The following TRPM1 variants were observed in gnomAD, a reference collection of about 807,000 sequenced individuals.
TRPM1 encodes transient receptor potential cation channel subfamily M member 1, also known as TRPM1-203 APA Isoform, Intron 10.
A neutral mutation model predicts 149.4 loss-of-function variants in TRPM1; 113 were observed. The ratio of observed to expected loss-of-function variants is 0.76; its 90% CI spans 0.65 to 0.88. The LOEUF is 0.88. TRPM1 is among the 40% of genes least tolerant of loss of function. TRPM1 has a pLI of 0.00. For missense variants in TRPM1, 1,976 were observed against 2,038.7 expected (o/e 0.97, Z 0.59); for synonymous variants, 741 against 759.5 (o/e 0.98, Z 0.40).
At chr15:31,042,344 A>T (rs1183559923) in intron 16 of TRPM1, 101 bp from the exon 17 acceptor site, 1 of 1,241,864 alleles carries the variant, frequency 8.1e-7, no homozygotes, top group African/African-American at 1.5e-5. Context: ...CAGAGGTAAT[A>T]AAGAGACTTC....
At chr15:31,066,325 A>T in intron 6 of TRPM1, 78 bp from the exon 7 acceptor site, 1 of 1,504,016 alleles carries the variant, frequency 6.6e-7, no homozygotes, top group Non-Finnish European at 9.2e-7. Flanking sequence ...CACAATACAT[A>T]TGTGTGGAGT....
rs113969936 is a variant in TRPM1 at position 31,012,371 on chromosome 15, A to C, written c.3630-9301T>G. Among the ~76,000 whole-genome samples, 6 of 152,306 alleles carry C rather than the reference A, an allele frequency of 3.9e-5. 1 individual carries two copies. The highest frequency in any genetic ancestry group is 1.4e-4 in the African/African-American group (6 of 41,558). ...AATTTATCCTTCATTTTTAAAGGAT[A>C]GTTTTGCTGCATATATAATTTTTAG... On this transcript the variant is annotated intron_variant, in intron 27 of 27. Coordinates refer to ENST00000256552, the MANE Select transcript of TRPM1 (RefSeq NM_001252024.2).
At chr15:31,022,768 A>G (rs1401159783) in intron 27 of TRPM1, among the ~76,000 whole-genome samples, 1 of 152,076 alleles carries the variant, frequency 6.6e-6, no homozygotes, top group East Asian at 1.9e-4. Context: ...CCATTCGTTC[A>G]AAAAAATCTC....
At chr15:31,110,569 C>T (rs1450560110) in intron 1 of TRPM1, among the ~76,000 whole-genome samples, 1 of 152,176 alleles carries the variant, frequency 6.6e-6, no homozygotes, top group Non-Finnish European at 1.5e-5. Flanking sequence ...CCAAGTTGGC[C>T]AAAATATGCT....
chr15:31,101,136 C>CATT (rs2035506022), intron 1 of TRPM1, among the ~76,000 whole-genome samples: 1 of 152,196 alleles, frequency 6.6e-6, no homozygotes, highest in African/African-American at 2.4e-5. Flanking sequence ...AGAACTTCAG[C>CATT]ATTTTCTGGG....
intron 11 of TRPM1, 93 bp from the exon 12 acceptor site, chr15:31,050,675 A>ATGTGTG: frequency 7.0e-6 from 9 of 1,287,570 alleles, no homozygotes; most frequent in Non-Finnish European, 1.0e-5. Context: ...CTGTATGTGC[A>ATGTGTG]CACATGCACA....
chr15:31,132,063 A>C (rs2036023371), intron 1 of TRPM1, among the ~76,000 whole-genome samples: 1 of 152,182 alleles, frequency 6.6e-6, no homozygotes, highest in Non-Finnish European at 1.5e-5. Context: ...GAGGAGCATT[A>C]GCCACAGCCA....
intron 21 of TRPM1, among the ~76,000 whole-genome samples, chr15:31,034,921 G>A (rs1236108661): frequency 6.6e-6 from 1 of 152,184 alleles, no homozygotes; most frequent in Non-Finnish European, 1.5e-5. Context: ...GTTCATTCAA[G>A]ATGTATACAT....
At chr15:31,122,869 C>T (rs1433136175) in intron 1 of TRPM1, among the ~76,000 whole-genome samples, 1 of 152,012 alleles carries the variant, frequency 6.6e-6, no homozygotes, top group Non-Finnish European at 1.5e-5. Flanking sequence ...GTAAAAGACC[C>T]CAAATAAGCA....
chr15:31,065,977 A>G, intron 7 of TRPM1, 99 bp downstream of exon 7: 1 of 1,420,936 alleles, frequency 7.0e-7, no homozygotes, highest in Non-Finnish European at 9.7e-7. Flanking sequence ...AAGCAAGGTT[A>G]ATCTTCTAAT....
chr15:31,042,431 T>G, intron 16 of TRPM1, 188 bp from the exon 17 acceptor site: 1 of 667,372 alleles, frequency 1.5e-6, no homozygotes, highest in East Asian at 2.7e-5. Flanking sequence ...ATAAGTAAAC[T>G]ATCTAAAACC....
intron 11 of TRPM1, among the ~76,000 whole-genome samples, chr15:31,056,310 C>T (rs897871553): frequency 2.0e-5 from 3 of 152,122 alleles, no homozygotes; most frequent in Admixed American, 6.5e-5. Context: ...CATAAAGGGA[C>T]CTTTGAAAGC....
At position 31,026,210 on chromosome 15, in the gene TRPM1, CT is replaced by C. The variant is rs749725338; in HGVS notation, c.3557del (p.Gln1186ArgfsTer31). ...CATCCTCCTTCTCCCGGAAGTGCTCCTGCACGCACTGCTCCTCGAACTCATG... is the reference window on the plus strand; with the variant it reads ...CATCCTCCTTCTCCCGGAAGTGCTCCGCACGCACTGCTCCTCGAACTCATG... ...RLHEFEEQCV[Q>X]EHFREKEDEQ... On this transcript the variant is annotated frameshift_variant, in exon 27 of 28. Transcript: ENST00000256552. LOFTEE classifies it high-confidence loss of function. 1.2e-6 allele frequency: 2 copies of C among 1,612,612 alleles called. No individual in the cohort carries two copies. Among genetic ancestry groups the C allele is most frequent in the Non-Finnish European group, 1.7e-6 (2 of 1,180,026 alleles).
intron 1 of TRPM1, among the ~76,000 whole-genome samples, chr15:31,088,733 T>C (rs1038641925): frequency 2.6e-5 from 4 of 151,690 alleles, no homozygotes; most frequent in Non-Finnish European, 5.9e-5. Flanking sequence ...GAAGCGGCGG[T>C]ATTCGTCTTC....
At chr15:31,157,982 T>C (rs1480920351) in intron 1 of TRPM1, among the ~76,000 whole-genome samples, 1 of 152,156 alleles carries the variant, frequency 6.6e-6, no homozygotes, top group Non-Finnish European at 1.5e-5. Flanking sequence ...GCTGCGTCAA[T>C]GAAGGGCCTA....
At chr15:31,076,458 A>C (rs1237824157) in intron 3 of TRPM1, among the ~76,000 whole-genome samples, 1 of 152,232 alleles carries the variant, frequency 6.6e-6, no homozygotes, top group Admixed American at 6.5e-5. Flanking sequence ...ATGTAGGTGA[A>C]TAAAATTGTT....
At chr15:31,009,421 C>T (rs962151743) in intron 27 of TRPM1, among the ~76,000 whole-genome samples, 1 of 152,180 alleles carries the variant, frequency 6.6e-6, no homozygotes, top group African/African-American at 2.4e-5. Flanking sequence ...ATTCAAATCA[C>T]TGTTCTCCAG....
At chr15:31,056,912 T>G (rs2034101223) in intron 11 of TRPM1, among the ~76,000 whole-genome samples, 1 of 152,228 alleles carries the variant, frequency 6.6e-6, no homozygotes, top group African/African-American at 2.4e-5. Flanking sequence ...TGTGGTATTC[T>G]GTTACAGAAA....
rs777523949 is a variant in TRPM1 at position 31,047,908 on chromosome 15, A to G, written c.1604T>C (p.Leu535Pro). The change falls in exon 14 of 28, where the codon CTG becomes CCG. Residue 535 changes from leucine to proline, a missense_variant. Around this residue, in one of 3 missense-constraint regions of TRPM1, gnomAD observed 1,332 missense variants for 1,347.1 expected, o/e 0.99. Transcript: ENST00000256552. ...ACTGACCTTTTTCACATCCCTCACC[A>G]GCAGATGAAGTGTGTTTGGTGGACC... ...RLGPPNTLHLLVRDVKKSNLP... is the reference protein window; with the variant it reads ...RLGPPNTLHLPVRDVKKSNLP... 4.3e-5 allele frequency: 69 copies of G among 1,613,842 alleles called. No individual in the cohort carries two copies. Among genetic ancestry groups the G allele is most frequent in the Non-Finnish European group, 4.9e-5 (58 of 1,179,782 alleles).
Sources: gnomAD v4.1 joint callset for allele counts (sites outside exome capture counted in the v4.1 genomes callset) on GRCh38, gnomAD v4.1.1 for gene constraint, gnomAD v4.1.1 regional missense constraint, MANE v1.5 for transcripts, NCBI Gene and HGNC (gene_info 2026-07-23, HGNC 2026-07-21) for gene names.